KIRREL3: variants seen among roughly 807,000 people sequenced by gnomAD.
The protein encoded by KIRREL3 is kirre like nephrin family adhesion molecule 3, also known as kin of IRRE-like protein 3.
In KIRREL3, 36 loss-of-function variants were observed where a neutral mutation model predicts 89.7. That is an observed-to-expected ratio of 0.40 (90% CI 0.31 to 0.53). The LOEUF is 0.53. Among genes scored for constraint, KIRREL3 ranks in the 20% least tolerant of loss-of-function variants. The pLI, the probability that KIRREL3 is intolerant of heterozygous loss-of-function variation, is 0.49. For synonymous variants in KIRREL3, 445 were observed against 441.4 expected (o/e 1.01, Z -0.10); for missense variants, 864 against 1,056.6 (o/e 0.82, Z 2.53).
rs796589122 is a variant in KIRREL3, at chr11:126,818,614, T to G, written c.55+181841A>C. 1.9e-3 allele frequency among the ~76,000 whole-genome samples: 177 copies of G among 92,622 alleles called. 3 individuals carry two copies. The South Asian group carries it at 0.061, about 32-fold the overall frequency. The allele number at this position is 92,622 out of a possible 152,430, so 60.8% of individuals were successfully genotyped here. On this transcript the variant is annotated intron_variant, in intron 1 of 16. Coordinates refer to ENST00000525144, the MANE Select transcript of KIRREL3 (RefSeq NM_032531.4). ...TAAAGCAGAAATTGTGTAGTAGTAG[T>G]AGTAGTAGTAGTGTGTGTGTGTGTG...
In KIRREL3 at chr11:126,643,556, C is replaced by G. The variant is rs1357080394; in HGVS notation, c.56-80644G>C. Among the ~76,000 whole-genome samples the G allele has an allele frequency of 6.6e-6, 1 of 152,128 alleles. No individual in the cohort carries two copies. The highest frequency in any genetic ancestry group is 1.5e-5 in the Non-Finnish European group (1 of 68,016). ...GATGTAGGCTGAGGCGATATCATGG[C>G]AAATCTTTATCTCTACACTGATGAT... is the stretch of plus-strand genomic sequence containing the variant. On this transcript the variant is annotated intron_variant, in intron 1 of 16. Transcript: ENST00000525144. The surrounding 1 kb of genome is among the most constrained non-coding windows in gnomAD (Gnocchi z 4.5).
At chr11:126,727,761 G>A (rs150511985) in intron 1 of KIRREL3, among the ~76,000 whole-genome samples, 2 of 152,318 alleles carry the variant, frequency 1.3e-5, no homozygotes, top group Non-Finnish European at 2.9e-5. Context: ...CTACGGAAAC[G>A]CTGTCTCTGT....
At position 126,486,870 on chromosome 11, in the gene KIRREL3, G is replaced by A. The variant is rs926728400; in HGVS notation, c.434-13404C>T. On this transcript the variant is annotated intron_variant, in intron 4 of 16. Transcript: ENST00000525144. This position sits in a 1 kb window ranked among gnomAD's most constrained non-coding sequence, Gnocchi z 6.2. ...AAGGCAGCCATCCTGACCCAGCAAA[G>A]GGCCAGGCAGGGACTTGGAGTGTCC... Among the ~76,000 whole-genome samples the A allele has an allele frequency of 3.9e-5, 6 of 152,188 alleles. No individual in the cohort carries two copies. Among genetic ancestry groups the A allele is most frequent in the Non-Finnish European group, 7.3e-5 (5 of 68,044 alleles).
At chr11:126,425,048 C>T (rs948008928) in intron 16 of KIRREL3, 25 bp from the exon 17 acceptor site, 28 of 1,488,466 alleles carry the variant, frequency 1.9e-5, no homozygotes, top group South Asian at 2.8e-5. Flanking sequence ...GGAAGAGGAG[C>T]GTCACCTGGT....
rs937041734 is a variant in KIRREL3 at position 126,606,620 on chromosome 11, C to T, written c.56-43708G>A. 1.3e-5 allele frequency among the ~76,000 whole-genome samples: 2 copies of T among 152,220 alleles called. No individual in the cohort carries two copies. The highest frequency in any genetic ancestry group is 4.8e-5 in the African/African-American group (2 of 41,536). ...CAGGGGTTGATACCAGGCCGAGACC[C>T]TCGACATTCCAGGGAGGGAACCGGA... On this transcript the variant is annotated intron_variant, in intron 1 of 16. Transcript: ENST00000525144. This position sits in a 1 kb window ranked among gnomAD's most constrained non-coding sequence, Gnocchi z 4.6.
Position 126,508,383 on chromosome 11 carries a change from G to A in KIRREL3, c.433+12932C>T, listed in dbSNP as rs1281332450. Among the ~76,000 whole-genome samples the A allele has an allele frequency of 3.9e-5, 6 of 152,198 alleles. No individual in the cohort carries two copies. The East Asian group carries it at 9.7e-4, about 25-fold the overall frequency. ...ATGGAGAAAGACGCGGCAGGTGGCC[G>A]CCCAGAGGATGATACTGAATGGGAT... On this transcript the variant is annotated intron_variant, in intron 4 of 16. Coordinates refer to ENST00000525144, the MANE Select transcript of KIRREL3 (RefSeq NM_032531.4). The surrounding 1 kb of genome is among the most constrained non-coding windows in gnomAD (Gnocchi z 4.9).
chr11:126,841,562 T>C (rs1943963677), intron 1 of KIRREL3, among the ~76,000 whole-genome samples: 1 of 152,262 alleles, frequency 6.6e-6, no homozygotes, highest in Non-Finnish European at 1.5e-5. Flanking sequence ...TCTGGCCCAA[T>C]GGATGGCTGT....
chr11:126,836,699 A>G (rs906400189), intron 1 of KIRREL3, among the ~76,000 whole-genome samples: 1 of 152,210 alleles, frequency 6.6e-6, no homozygotes, highest in African/African-American at 2.4e-5. Flanking sequence ...GAATGAGTCA[A>G]TAAAAGAGTT....
chr11:126,612,022 T>C lies in KIRREL3; in HGVS notation c.56-49110A>G, dbSNP rs538754699. On this transcript the variant is annotated intron_variant, in intron 1 of 16. Transcript: ENST00000525144. This position sits in a 1 kb window ranked among gnomAD's most constrained non-coding sequence, Gnocchi z 4.5. Reference sequence around the variant, plus strand: ...CAGCCCAGTCAGCCCCTGTGCACTCTCATGTTACCTGTGCATCTCCTTCAC... The same window carrying C: ...CAGCCCAGTCAGCCCCTGTGCACTCCCATGTTACCTGTGCATCTCCTTCAC... Among the ~76,000 whole-genome samples the C allele has an allele frequency of 6.6e-6, 1 of 152,194 alleles. No individual in the cohort carries two copies. The highest frequency in any genetic ancestry group is 1.5e-5 in the Non-Finnish European group (1 of 68,026).
intron 1 of KIRREL3, among the ~76,000 whole-genome samples, chr11:126,928,000 C>T (rs1384125665): frequency 6.6e-6 from 1 of 152,130 alleles, no homozygotes; most frequent in African/African-American, 2.4e-5. Context: ...ATAAAAAAAC[C>T]AATATTTGTT....
chr11:126,431,605 CG>C lies in KIRREL3; in HGVS notation c.1589-80del, dbSNP rs1292109173. On this transcript the variant is annotated intron_variant, in intron 13 of 16. Transcript: ENST00000525144. This position sits in a 1 kb window ranked among gnomAD's most constrained non-coding sequence, Gnocchi z 7.1. ...CCCCCATGATCTCACCCCGTTCCTG[CG>C]GGGGCAGCCCCTGCCACATGGGGCC... The C allele has an allele frequency of 2.1e-6, 3 of 1,405,868 alleles. No individual in the cohort carries two copies. The highest frequency in any genetic ancestry group is 3.8e-5 in the Admixed American group (2 of 52,614). 87.1% of individuals were successfully genotyped at this position (1,405,868 alleles called of 1,614,324 possible). A position where few individuals can be genotyped will look rare whatever the true frequency, so the allele number is the denominator to read the frequency against.
In KIRREL3 at chr11:126,516,705, A is replaced by G. The variant is rs531267482; in HGVS notation, c.433+4610T>C. ...AGTTGAAGAGATCAAGTGTAATGCC[A>G]CCCTTACAACTCTGACCCTGGGACA... is the stretch of plus-strand genomic sequence containing the variant. On this transcript the variant is annotated intron_variant, in intron 4 of 16. Coordinates refer to ENST00000525144, the MANE Select transcript of KIRREL3 (RefSeq NM_032531.4). The surrounding 1 kb of genome is among the most constrained non-coding windows in gnomAD (Gnocchi z 4.9). 5.6e-4 allele frequency among the ~76,000 whole-genome samples: 86 copies of G among 152,258 alleles called. No individual in the cohort carries two copies. The South Asian group carries it at 0.01, about 18-fold the overall frequency.
intron 1 of KIRREL3, among the ~76,000 whole-genome samples, chr11:126,901,262 G>A: frequency 6.7e-6 from 1 of 150,036 alleles, no homozygotes; most frequent in East Asian, 1.9e-4. Flanking sequence ...AACCAGCACA[G>A]CACATAGAAC....
chr11:126,869,015 A>C (rs939510), intron 1 of KIRREL3, among the ~76,000 whole-genome samples: 129,248 of 152,044 alleles, frequency 0.85, 55,145 homozygotes, highest in East Asian at 1. Flanking sequence ...CAAAGCCCCA[A>C]GTCCTAATAC....
At chr11:126,693,098 C>T (rs1946943735) in intron 1 of KIRREL3, among the ~76,000 whole-genome samples, 1 of 152,212 alleles carries the variant, frequency 6.6e-6, no homozygotes, top group Non-Finnish European at 1.5e-5. Context: ...CAGGTGACTG[C>T]AGATAGATGA....
intron 1 of KIRREL3, among the ~76,000 whole-genome samples, chr11:126,848,311 C>A (rs10893593): frequency 0.85 from 129,318 of 152,256 alleles, 55,116 homozygotes; most frequent in East Asian, 1. Context: ...CAAGTAAAAT[C>A]AAGTAAATCA....
chr11:126,516,832 C>T lies in KIRREL3; in HGVS notation c.433+4483G>A, dbSNP rs1234790422. On this transcript the variant is annotated intron_variant, in intron 4 of 16. Coordinates refer to ENST00000525144, the MANE Select transcript of KIRREL3 (RefSeq NM_032531.4). This position sits in a 1 kb window ranked among gnomAD's most constrained non-coding sequence, Gnocchi z 4.9. ...TAAAATACAGGCGGGGTGGCTCACGCTTGTAATCCCAGCACTTTGGGAGGC... is the reference window on the plus strand; with the variant it reads ...TAAAATACAGGCGGGGTGGCTCACGTTTGTAATCCCAGCACTTTGGGAGGC... 6.6e-6 allele frequency among the ~76,000 whole-genome samples: 1 copy of T among 152,190 alleles called. No homozygotes were observed. Among genetic ancestry groups the T allele is most frequent in the East Asian group, 1.9e-4 (1 of 5,188 alleles).
At chr11:126,681,609 GACAC>G (rs56325662) in intron 1 of KIRREL3, among the ~76,000 whole-genome samples, 1 of 150,274 alleles carries the variant, frequency 6.7e-6, no homozygotes, top group Non-Finnish European at 1.5e-5. Context: ...TGTATATACA[GACAC>G]ACACACACAC....
At chr11:126,852,328 A>G (rs1195984712) in intron 1 of KIRREL3, among the ~76,000 whole-genome samples, 1 of 152,182 alleles carries the variant, frequency 6.6e-6, no homozygotes, top group Non-Finnish European at 1.5e-5. Context: ...CTGGGATTAC[A>G]GGCGTGAGCC....
Sources: allele counts gnomAD v4.1 joint callset (sites outside exome capture counted in the v4.1 genomes callset), GRCh38; gene constraint gnomAD v4.1.1; non-coding constraint Gnocchi (gnomAD v3.1); transcripts MANE v1.5; gene names NCBI Gene and HGNC (gene_info 2026-07-23, HGNC 2026-07-21).